Variants in MSI2 observed in about 807,000 individuals in gnomAD.
The protein encoded by MSI2 is RNA-binding protein Musashi homolog 2.
Under a neutral mutation model 45.6 loss-of-function variants are expected in MSI2, and 17 were observed. The ratio of observed to expected loss-of-function variants is 0.37; its 90% CI spans 0.26 to 0.56. The LOEUF is 0.56. Ranked by LOEUF, MSI2 falls within the 20% of genes least tolerant of loss-of-function variation. The pLI, the probability that MSI2 is intolerant of heterozygous loss-of-function variation, is 0.77. For synonymous variants in MSI2, 156 were observed against 158.2 expected (o/e 0.99, Z 0.11); for missense variants, 293 against 444.2 (o/e 0.66, Z 3.06).
chr17:57,393,510 GT>G lies in MSI2; in HGVS notation c.313-7866del, dbSNP rs375601382. 4.4e-4 allele frequency among the ~76,000 whole-genome samples: 67 copies of G among 152,152 alleles called. 2 individuals carry two copies. In the East Asian group the frequency reaches 0.01, roughly 24 times the overall value. ...TCTATTTATGGATGTACCACATTTT[GT>G]TTATCCATTCGTCTGTTGATGGATA... On this transcript the variant is annotated intron_variant, in intron 5 of 13. Transcript: ENST00000284073.
intron 5 of MSI2, among the ~76,000 whole-genome samples, chr17:57,356,842 A>C (rs1348384867): frequency 6.6e-6 from 1 of 152,110 alleles, no homozygotes; most frequent in Non-Finnish European, 1.5e-5. Flanking sequence ...GAGTTTGAAA[A>C]TTCTTCGTTG....
intron 6 of MSI2, chr17:57,450,255 T>TAGAAAGAAAGAAAGAAAGAAAGAAAGA (rs1567830518): frequency 0.011 from 853 of 74,892 alleles, 41 homozygotes; most frequent in Middle Eastern, 0.024. Flanking sequence ...TTCCCCAGCT[T>TAGAAAGAAAGAAAGAAAGAAAGAAAGA]AAAGAAAGAA....
At position 57,679,644 on chromosome 17, in the gene MSI2, C is replaced by T. The variant is rs1913481529; in HGVS notation, c.*127C>T. 1.4e-5 allele frequency: 15 copies of T among 1,059,374 alleles called. No homozygotes were observed. Among genetic ancestry groups the T allele is most frequent in the Non-Finnish European group, 1.7e-5 (15 of 873,756 alleles). 65.6% of individuals were successfully genotyped at this position (1,059,374 alleles called of 1,614,324 possible). ...GACCTGGACCCCCACCAGCCTCACT[C>T]CCCATCCCAACCAGAGATGGCTCAC... On this transcript the variant is annotated 3_prime_UTR_variant, in exon 14 of 14. Coordinates refer to ENST00000284073, the MANE Select transcript of MSI2 (RefSeq NM_138962.4).
At chr17:57,301,395 T>C (rs1911408097) in intron 5 of MSI2, among the ~76,000 whole-genome samples, 1 of 152,172 alleles carries the variant, frequency 6.6e-6, no homozygotes, top group South Asian at 2.1e-4. Flanking sequence ...TCCTCACATA[T>C]AAAATATCGC....
intron 10 of MSI2, among the ~76,000 whole-genome samples, chr17:57,638,181 C>G (rs977739803): frequency 2.0e-5 from 3 of 152,160 alleles, no homozygotes; most frequent in African/African-American, 4.8e-5. Flanking sequence ...AAAGATGTGT[C>G]CCCCCACCCT....
chr17:57,343,744 ACT>A (rs1262523268), intron 5 of MSI2, among the ~76,000 whole-genome samples: 1 of 151,812 alleles, frequency 6.6e-6, no homozygotes, highest in Non-Finnish European at 1.5e-5. Context: ...TTTTTTGATG[ACT>A]CTTTCGTCTG....
chr17:57,527,369 G>A (rs770367352), intron 6 of MSI2, among the ~76,000 whole-genome samples: 1 of 147,318 alleles, frequency 6.8e-6, no homozygotes, highest in Non-Finnish European at 1.5e-5. Flanking sequence ...ACTGCTCTGT[G>A]TACAAACACA....
intron 11 of MSI2, among the ~76,000 whole-genome samples, chr17:57,668,602 C>T (rs1912546653): frequency 1.0e-5 from 1 of 97,662 alleles, no homozygotes; most frequent in African/African-American, 5.8e-5. Context: ...GCCCTGTCAG[C>T]CCAGTGCATG....
At chr17:57,666,412 CAT>C (rs1366466204) in intron 11 of MSI2, among the ~76,000 whole-genome samples, 1 of 152,208 alleles carries the variant, frequency 6.6e-6, no homozygotes, top group Non-Finnish European at 1.5e-5. Context: ...AGTAGGGGCT[CAT>C]AAGTATGAGT....
At chr17:57,292,423 G>C (rs1187130264) in intron 5 of MSI2, among the ~76,000 whole-genome samples, 1 of 152,178 alleles carries the variant, frequency 6.6e-6, no homozygotes, top group Non-Finnish European at 1.5e-5. Context: ...GAGTATGAAA[G>C]GAGGAGGGGT....
intron 6 of MSI2, among the ~76,000 whole-genome samples, chr17:57,451,776 C>G (rs1383621959): frequency 6.6e-6 from 1 of 152,228 alleles, no homozygotes; most frequent in Non-Finnish European, 1.5e-5. Context: ...GCTGCCCTGA[C>G]CAGCCTTCCT....
chr17:57,414,872 A>G (rs1027523323), intron 6 of MSI2, among the ~76,000 whole-genome samples: 1 of 152,154 alleles, frequency 6.6e-6, no homozygotes, highest in Non-Finnish European at 1.5e-5. Context: ...GCTGGTCAGT[A>G]ATGCCCTTTT....
intron 5 of MSI2, among the ~76,000 whole-genome samples, chr17:57,277,095 G>T (rs995120458): frequency 7.4e-6 from 1 of 135,716 alleles, no homozygotes; most frequent in Non-Finnish European, 1.5e-5. Context: ...CTGCTGTCTC[G>T]CCCAGGCTGG....
intron 7 of MSI2, chr17:57,566,034 C>A (rs2087722847): frequency 6.6e-6 from 1 of 152,194 alleles, no homozygotes; most frequent in Admixed American, 6.5e-5. Flanking sequence ...TCCTTAAAGA[C>A]AAGAGAAATC....
intron 10 of MSI2, among the ~76,000 whole-genome samples, chr17:57,641,293 C>T (rs1009812025): frequency 3.9e-5 from 6 of 152,096 alleles, no homozygotes; most frequent in Admixed American, 3.3e-4. Flanking sequence ...CAAAAAAAGT[C>T]GGAGCGCTCA....
chr17:57,514,621 G>A (rs1277328676), intron 6 of MSI2, among the ~76,000 whole-genome samples: 1 of 146,160 alleles, frequency 6.8e-6, no homozygotes, highest in Non-Finnish European at 1.5e-5. Flanking sequence ...AAACATACTT[G>A]TTGGGTCTTG....
At chr17:57,426,022 C>T (rs1011594372) in intron 6 of MSI2, among the ~76,000 whole-genome samples, 9 of 152,044 alleles carry the variant, frequency 5.9e-5, no homozygotes, top group African/African-American at 2.2e-4. Flanking sequence ...CTTTTAAATA[C>T]TTGTTACATT....
intron 5 of MSI2, among the ~76,000 whole-genome samples, chr17:57,299,707 A>G (rs1911275257): frequency 6.6e-6 from 1 of 152,194 alleles, no homozygotes; most frequent in South Asian, 2.1e-4. Flanking sequence ...ACCATTACAA[A>G]TATTATTATA....
rs567073102 is a variant in MSI2 at position 57,663,066 on chromosome 17, C to A, written c.790+10905C>A. On this transcript the variant is annotated intron_variant, in intron 11 of 13. Coordinates refer to ENST00000284073, the MANE Select transcript of MSI2 (RefSeq NM_138962.4). ...ATGAGTCAACATTTTTTCCTGTGGG[C>A]TGCGAGGACCGCTTCTGGAAGGTCG... is the stretch of plus-strand genomic sequence containing the variant. 1.3e-3 allele frequency among the ~76,000 whole-genome samples: 200 copies of A among 152,276 alleles called. 6 individuals carry two copies. The highest frequency in any genetic ancestry group is 4.6e-3 in the South Asian group (22 of 4,824).
Sources: allele counts gnomAD v4.1 joint callset (sites outside exome capture counted in the v4.1 genomes callset), GRCh38; gene constraint gnomAD v4.1.1; transcripts MANE v1.5; gene names NCBI Gene and HGNC (gene_info 2026-07-23, HGNC 2026-07-21).